Variants in RRAS2 observed in about 807,000 individuals in gnomAD.
RRAS2 encodes RAS related 2.
Under a neutral mutation model 27.6 loss-of-function variants are expected in RRAS2, and 7 were observed. That is an observed-to-expected ratio of 0.25 (90% CI 0.14 to 0.48). The LOEUF (loss-of-function observed/expected upper bound fraction) is 0.48, where lower values mean the gene tolerates loss of function less well. Among genes scored for constraint, RRAS2 ranks in the 20% least tolerant of loss-of-function variants. RRAS2 has a pLI of 0.99. For missense variants in RRAS2, 178 were observed against 256.2 expected, an observed-to-expected ratio of 0.69 and a Z score of 2.08; for synonymous variants, 86 against 90.9, an observed-to-expected ratio of 0.95 and a Z score of 0.31.
At position 14,314,758 on chromosome 11, in the gene RRAS2, C is replaced by A. The variant is rs546742090; in HGVS notation, c.109-18903G>T. Among the ~76,000 whole-genome samples the A allele has an allele frequency of 1.2e-4, 19 of 152,204 alleles. 1 individual carries two copies. In the South Asian group the frequency reaches 3.9e-3, roughly 32 times the overall value. ...ATGCTGGAGTGCAGTGGTGCGATCT[C>A]GGCTCACTGCAACCTCCGCCTCCAG... On this transcript the variant is annotated intron_variant, in intron 1 of 5. Transcript: ENST00000256196.
In RRAS2 at chr11:14,295,716, C is replaced by CGG. The variant is rs1847527458; in HGVS notation, c.196+51_196+52insCC. 2.1e-6 allele frequency: 3 copies of CGG among 1,436,864 alleles called. No individual in the cohort carries two copies. In the African/African-American group the frequency reaches 4.3e-5, roughly 21 times the overall value. 89.0% of individuals were successfully genotyped at this position (1,436,864 alleles called of 1,614,324 possible). On this transcript the variant is annotated intron_variant, in intron 2 of 5. Transcript: ENST00000256196. Reference sequence around the variant, plus strand: ...TAACATAGCAAAACATCAGCGCTTACTTTTTTAAAAAATATGATATGCAAA... The same window carrying CGG: ...TAACATAGCAAAACATCAGCGCTTACGGTTTTTTAAAAAATATGATATGCAAA...
At chr11:14,286,269 GAGT>G (rs1229264544) in intron 4 of RRAS2, among the ~76,000 whole-genome samples, 4 of 152,148 alleles carry the variant, frequency 2.6e-5, no homozygotes, top group African/African-American at 9.7e-5. Flanking sequence ...GGGAATTTCT[GAGT>G]AGAAGGCTGG....
chr11:14,339,175 C>A (rs1554952927), intron 1 of RRAS2, among the ~76,000 whole-genome samples: 1 of 150,946 alleles, frequency 6.6e-6, no homozygotes, highest in African/African-American at 2.4e-5. Flanking sequence ...GCTCAGTGGC[C>A]CACACCTGTA....
chr11:14,306,076 A>ATT lies in RRAS2; in HGVS notation c.109-10223_109-10222dup, dbSNP rs35247669. ...CCGCCCCCACCCCAACAAAAAAAGA[A>ATT]TTTTTTTTTTTACAACAGACACCCT... On this transcript the variant is annotated intron_variant, in intron 1 of 5. Coordinates refer to ENST00000256196, the MANE Select transcript of RRAS2 (RefSeq NM_012250.6). 5.3e-3 allele frequency among the ~76,000 whole-genome samples: 785 copies of ATT among 148,670 alleles called. 4 individuals are homozygous for ATT. Among genetic ancestry groups the ATT allele is most frequent in the African/African-American group, 0.018 (709 of 40,418 alleles).
chr11:14,307,238 A>AC (rs1474876326), intron 1 of RRAS2, among the ~76,000 whole-genome samples: 267 of 151,426 alleles, frequency 1.8e-3, no homozygotes, highest in African/African-American at 3.9e-3. Context: ...AACAACAACA[A>AC]AAAAAAAGCA....
intron 4 of RRAS2, among the ~76,000 whole-genome samples, chr11:14,286,027 A>G (rs1176036276): frequency 6.6e-6 from 1 of 152,204 alleles, no homozygotes; most frequent in Non-Finnish European, 1.5e-5. Flanking sequence ...AATCCCATCC[A>G]GTGCATTTTT....
chr11:14,361,874 C>A (rs186811094), upstream of RRAS2, among the ~76,000 whole-genome samples: 38 of 152,210 alleles, frequency 2.5e-4, no homozygotes, highest in Non-Finnish European at 3.7e-4. Context: ...AAAAAAATGT[C>A]GTATAGCCAC....
At chr11:14,355,215 C>T (rs1451254560) in intron 1 of RRAS2, among the ~76,000 whole-genome samples, 1 of 150,844 alleles carries the variant, frequency 6.6e-6, no homozygotes, top group Non-Finnish European at 1.5e-5. Flanking sequence ...TCAACCAAAC[C>T]CAACATTTCA....
intron 1 of RRAS2, among the ~76,000 whole-genome samples, chr11:14,332,923 TATCA>T (rs1404690615): frequency 6.6e-6 from 1 of 152,204 alleles, no homozygotes; most frequent in Admixed American, 6.5e-5. Flanking sequence ...TATCATTTTA[TATCA>T]ATTAGCAAAT....
chr11:14,286,814 C>T (rs1849671106), intron 4 of RRAS2, among the ~76,000 whole-genome samples: 1 of 152,178 alleles, frequency 6.6e-6, no homozygotes, highest in South Asian at 2.1e-4. Context: ...TGCCACAAGG[C>T]TATGCATTTG....
In RRAS2 at chr11:14,345,752, G is replaced by A. The variant is rs543188974; in HGVS notation, c.108+13011C>T. On this transcript the variant is annotated intron_variant, in intron 1 of 5. Coordinates refer to ENST00000256196, the MANE Select transcript of RRAS2 (RefSeq NM_012250.6). ...ATATTTGGAGATTAAGATTTAGAGGGTGTAGTAAAATTTTGTATTTGTTGA... is the reference window on the plus strand; with the variant it reads ...ATATTTGGAGATTAAGATTTAGAGGATGTAGTAAAATTTTGTATTTGTTGA... 9.2e-5 allele frequency among the ~76,000 whole-genome samples: 14 copies of A among 152,276 alleles called. 1 individual carries two copies. The East Asian group carries it at 2.5e-3, about 27-fold the overall frequency.
chr11:14,328,085 T>C (rs1366734231), intron 1 of RRAS2, among the ~76,000 whole-genome samples: 18 of 151,996 alleles, frequency 1.2e-4, no homozygotes, highest in African/African-American at 4.1e-4. Flanking sequence ...GTGAGAAAAA[T>C]GGCCAGGCGC....
intron 1 of RRAS2, among the ~76,000 whole-genome samples, chr11:14,332,270 A>G (rs1848495262): frequency 6.6e-6 from 1 of 152,208 alleles, no homozygotes; most frequent in Admixed American, 6.5e-5. Flanking sequence ...AAACAACCCA[A>G]ATGTTCTATC....
chr11:14,296,301 C>T (rs1049312551), intron 1 of RRAS2, among the ~76,000 whole-genome samples: 2 of 152,186 alleles, frequency 1.3e-5, no homozygotes, highest in African/African-American at 4.8e-5. Context: ...CTAATCAAAA[C>T]ATTTTCACTG....
chr11:14,296,090 G>C (rs1020888480), intron 1 of RRAS2, among the ~76,000 whole-genome samples: 2 of 151,958 alleles, frequency 1.3e-5, no homozygotes, highest in Non-Finnish European at 2.9e-5. Context: ...TGATGTGGGA[G>C]GATCACTTGA....
At chr11:14,356,082 C>G (rs2915402) in intron 1 of RRAS2, among the ~76,000 whole-genome samples, 58,881 of 151,972 alleles carry the variant, frequency 0.39, 11,640 homozygotes, top group Admixed American at 0.44. Flanking sequence ...CACCATATTT[C>G]CCCAGTTTAC....
At chr11:14,286,216 T>C (rs1474492740) in intron 4 of RRAS2, among the ~76,000 whole-genome samples, 5 of 152,236 alleles carry the variant, frequency 3.3e-5, no homozygotes, top group African/African-American at 1.2e-4. Context: ...TAATTATTTG[T>C]TTCCTTATTG....
At chr11:14,307,671 A>G (rs1554948292) in intron 1 of RRAS2, among the ~76,000 whole-genome samples, 1 of 152,052 alleles carries the variant, frequency 6.6e-6, no homozygotes, top group Admixed American at 6.6e-5. Flanking sequence ...AACCTGCCAT[A>G]CTAACATAGC....
chr11:14,291,249 A>C (rs1196208904), intron 4 of RRAS2, among the ~76,000 whole-genome samples: 1 of 152,210 alleles, frequency 6.6e-6, no homozygotes, highest in Non-Finnish European at 1.5e-5. Flanking sequence ...AAATTATCCA[A>C]ACAAATGGGA....
Sources: allele counts gnomAD v4.1 joint callset (sites outside exome capture counted in the v4.1 genomes callset), GRCh38; gene constraint gnomAD v4.1.1; transcripts MANE v1.5; gene names NCBI Gene and HGNC (gene_info 2026-07-23, HGNC 2026-07-21).